Variants in HIVEP2 observed in about 807,000 individuals in gnomAD.
The protein encoded by HIVEP2 is HIVEP zinc finger 2.
A neutral mutation model predicts 180.7 loss-of-function variants in HIVEP2; 14 were observed. That is an observed-to-expected ratio of 0.08 (90% CI 0.05 to 0.12). The LOEUF is 0.12. Among genes scored for constraint, HIVEP2 ranks in the 10% least tolerant of loss-of-function variants. The pLI, the probability that HIVEP2 is intolerant of heterozygous loss-of-function variation, is 1.00. For synonymous variants in HIVEP2, 1,184 were observed against 1,136.4 expected (o/e 1.04, Z -0.84); for missense variants, 2,579 against 3,008.5 (o/e 0.86, Z 3.34).
intron 1 of HIVEP2, among the ~76,000 whole-genome samples, chr6:142,883,464 A>T (rs1776624880): frequency 6.6e-6 from 1 of 152,114 alleles, no homozygotes; most frequent in Non-Finnish European, 1.5e-5. Flanking sequence ...CACAAACTAT[A>T]ATCTTTTGTG....
intron 1 of HIVEP2, among the ~76,000 whole-genome samples, chr6:142,850,223 T>C (rs1309602798): frequency 6.6e-6 from 1 of 152,156 alleles, no homozygotes; most frequent in Non-Finnish European, 1.5e-5. Context: ...GAGAGACCTT[T>C]AACAGCTATG....
chr6:142,775,148 G>C, intron 4 of HIVEP2, 23 bp from the exon 5 acceptor site: 1 of 853,564 alleles, frequency 1.2e-6, no homozygotes, highest in Middle Eastern at 6.1e-4. Context: ...AAAATACAAA[G>C]AGATTGTCAT....
Position 142,859,258 on chromosome 6 carries a change from A to T in HIVEP2, c.-640-22211T>A, listed in dbSNP as rs117140113. ...TACTCTGGGAGGATCACTTGAGCCC[A>T]GGAGTTCGAGACCAGCCTGGGCAAC... On this transcript the variant is annotated intron_variant, in intron 1 of 9. Coordinates refer to ENST00000367603, the MANE Select transcript of HIVEP2 (RefSeq NM_006734.4). 1.6e-3 allele frequency among the ~76,000 whole-genome samples: 245 copies of T among 152,278 alleles called. 6 individuals carry two copies. The East Asian group carries it at 0.023, about 14-fold the overall frequency.
At position 142,772,717 on chromosome 6, in the gene HIVEP2, G is replaced by A; in HGVS notation, c.2022C>T (p.Phe674=). ...CCTGCAATGGCACCACGGGATCCAT[G>A]AAATATTCTCCACCATGCTTTAAAG... ...LSSLKHGGEY[F]MDPVVPLQGV... is the part of the protein sequence containing the mutation. The change falls in exon 5 of 10, where the codon TTC becomes TTT. Residue 674 remains phenylalanine (F), a synonymous_variant. Coordinates refer to ENST00000367603, the MANE Select transcript of HIVEP2 (RefSeq NM_006734.4). This position sits in a 1 kb window ranked among gnomAD's most constrained non-coding sequence, Gnocchi z 4.9. 1 of 1,614,230 alleles carries A rather than the reference G, an allele frequency of 6.2e-7. No individual in the cohort carries two copies.
intron 2 of HIVEP2, among the ~76,000 whole-genome samples, chr6:142,795,820 C>A (rs900459417): frequency 6.6e-6 from 1 of 152,166 alleles, no homozygotes; most frequent in Non-Finnish European, 1.5e-5. Context: ...AAAGATCACA[C>A]AGCAGTGGGT....
chr6:142,901,032 G>T (rs1336075767), intron 1 of HIVEP2, among the ~76,000 whole-genome samples: 3 of 152,132 alleles, frequency 2.0e-5, no homozygotes, highest in Non-Finnish European at 4.4e-5. Context: ...TTTTATTTCA[G>T]ATTTTCCGTT....
chr6:142,783,783 C>T (rs1454862239), intron 2 of HIVEP2, among the ~76,000 whole-genome samples, 168 bp from the exon 3 acceptor site: 2 of 151,366 alleles, frequency 1.3e-5, no homozygotes, highest in South Asian at 2.1e-4. Context: ...AATTTCCTTT[C>T]TTTTAACATA....
chr6:142,917,867 C>A (rs545356482), intron 1 of HIVEP2, among the ~76,000 whole-genome samples: 2 of 152,290 alleles, frequency 1.3e-5, no homozygotes, highest in South Asian at 4.1e-4. Context: ...GCTCCGCCTC[C>A]TGGGTTCAAG....
At chr6:142,826,380 C>T (rs1045511120) in intron 2 of HIVEP2, among the ~76,000 whole-genome samples, 1 of 152,058 alleles carries the variant, frequency 6.6e-6, no homozygotes, top group Non-Finnish European at 1.5e-5. Flanking sequence ...CTCAATGGTC[C>T]CTCACAATTC....
chr6:142,767,245 G>A (rs1775400966), intron 6 of HIVEP2, among the ~76,000 whole-genome samples: 1 of 152,172 alleles, frequency 6.6e-6, no homozygotes, highest in Non-Finnish European at 1.5e-5. Flanking sequence ...CAGTCTCTGA[G>A]GAGAGATAAA....
At chr6:142,894,085 T>C (rs980901749) in intron 1 of HIVEP2, among the ~76,000 whole-genome samples, 4 of 152,200 alleles carry the variant, frequency 2.6e-5, no homozygotes, top group Admixed American at 6.5e-5. Context: ...AGGCACAAGT[T>C]AAGTCTATTG....
intron 1 of HIVEP2, among the ~76,000 whole-genome samples, chr6:142,879,370 G>A (rs1582935936): frequency 1.3e-5 from 2 of 152,288 alleles, no homozygotes; most frequent in East Asian, 3.9e-4. Context: ...CCAGCAGGGA[G>A]CTTTTGAGGA....
intron 1 of HIVEP2, among the ~76,000 whole-genome samples, chr6:142,925,486 A>T (rs974863843): frequency 3.9e-5 from 6 of 152,218 alleles, no homozygotes; most frequent in Non-Finnish European, 7.3e-5. Flanking sequence ...TCAGATAGGA[A>T]ATAGGATCGT....
At chr6:142,816,263 T>G (rs1028737593) in intron 2 of HIVEP2, among the ~76,000 whole-genome samples, 20 of 152,202 alleles carry the variant, frequency 1.3e-4, no homozygotes, top group African/African-American at 4.1e-4. Context: ...GGAATGGTCA[T>G]GCATCTCACG....
chr6:142,941,261 C>T (rs1027806444), intron 1 of HIVEP2, among the ~76,000 whole-genome samples: 5 of 152,164 alleles, frequency 3.3e-5, no homozygotes, highest in African/African-American at 1.2e-4. Flanking sequence ...CTGTGTTATC[C>T]TCTTTCCCAC....
At chr6:142,869,257 A>G (rs1776225089) in intron 1 of HIVEP2, among the ~76,000 whole-genome samples, 1 of 152,184 alleles carries the variant, frequency 6.6e-6, no homozygotes, top group Non-Finnish European at 1.5e-5. Flanking sequence ...TAAATTACTG[A>G]TAGTATGTCA....
At chr6:142,794,710 C>T (rs1002277156) in intron 2 of HIVEP2, among the ~76,000 whole-genome samples, 9 of 152,164 alleles carry the variant, frequency 5.9e-5, no homozygotes, top group Admixed American at 3.3e-4. Context: ...TAACTTACAC[C>T]GGCAGATCCT....
At chr6:142,792,376 A>G (rs1776158975) in intron 2 of HIVEP2, among the ~76,000 whole-genome samples, 1 of 152,212 alleles carries the variant, frequency 6.6e-6, no homozygotes. Flanking sequence ...GTGGGATACT[A>G]TGCAGCCATA....
chr6:142,871,101 G>A (rs573067867), intron 1 of HIVEP2, among the ~76,000 whole-genome samples: 5 of 152,254 alleles, frequency 3.3e-5, no homozygotes, highest in Admixed American at 1.3e-4. Context: ...GAAGAAAGTC[G>A]CTTCTCCACT....
Sources: allele counts gnomAD v4.1 joint callset (sites outside exome capture counted in the v4.1 genomes callset), GRCh38; gene constraint gnomAD v4.1.1; non-coding constraint Gnocchi (gnomAD v3.1); transcripts MANE v1.5; gene names NCBI Gene and HGNC (gene_info 2026-07-23, HGNC 2026-07-21).